The following KIDINS220 variants were observed in gnomAD, a reference collection of about 807,000 sequenced individuals.
The protein encoded by KIDINS220 is kinase D-interacting substrate of 220 kDa.
Under a neutral mutation model 157.6 loss-of-function variants are expected in KIDINS220, and 63 were observed. The ratio of observed to expected loss-of-function variants is 0.40; its 90% CI spans 0.33 to 0.49. The LOEUF is 0.49. KIDINS220 is among the 20% of genes least tolerant of loss of function. KIDINS220 has a pLI of 0.66. For synonymous variants in KIDINS220, 732 were observed against 783.6 expected (o/e 0.93, Z 1.10); for missense variants, 1,772 against 2,171.2 (o/e 0.82, Z 3.65).
chr2:8,830,175 T>C (rs1235308744), intron 1 of KIDINS220, among the ~76,000 whole-genome samples: 2 of 152,180 alleles, frequency 1.3e-5, no homozygotes, highest in Non-Finnish European at 2.9e-5. Context: ...TCACCATCTA[T>C]ACTAATCAAG....
At position 8,731,004 on chromosome 2, in the gene KIDINS220, G is replaced by C; in HGVS notation, c.5032C>G (p.Arg1678Gly). The change falls in exon 30 of 30, where the codon CGA becomes GGA. Residue 1678 changes from arginine (R) to glycine (G), a missense_variant. Transcript: ENST00000256707. This position sits in a 1 kb window ranked among gnomAD's most constrained non-coding sequence, Gnocchi z 5.2. ...TTCAGAGTCACGGTGCTGGGAGTTC[G>C]GTTCAGGTTGTAGGCTTTCTGGCAT... ...PACQKAYNLN[R>G]TPSTVTLNNN... The C allele has an allele frequency of 6.2e-7, 1 of 1,614,144 alleles. No homozygotes were observed. The highest frequency in any genetic ancestry group is 8.5e-7 in the Non-Finnish European group (1 of 1,180,034).
At chr2:8,744,391 ATATATATATAAT>A (rs1666214270) in intron 26 of KIDINS220, among the ~76,000 whole-genome samples, 1 of 27,296 alleles carries the variant, frequency 3.7e-5, no homozygotes, top group African/African-American at 1.8e-4. Context: ...AAAAAAAAAT[ATATATATATAAT>A]ATATATATAT....
downstream of KIDINS220, among the ~76,000 whole-genome samples, chr2:8,728,083 C>G (rs1663522931): frequency 6.6e-6 from 1 of 152,192 alleles, no homozygotes; most frequent in Admixed American, 6.5e-5. Flanking sequence ...TGGCTCATGC[C>G]TATAATCCCA....
intron 22 of KIDINS220, among the ~76,000 whole-genome samples, chr2:8,755,093 T>C (rs1667846882): frequency 6.6e-6 from 1 of 152,230 alleles, no homozygotes; most frequent in Non-Finnish European, 1.5e-5. Context: ...CCACTTGGCA[T>C]TGCAGCCAAA....
chr2:8,739,004 G>T (rs1665263249), intron 26 of KIDINS220, among the ~76,000 whole-genome samples: 1 of 152,134 alleles, frequency 6.6e-6, no homozygotes, highest in Non-Finnish European at 1.5e-5. Flanking sequence ...AAAACGACAA[G>T]TATAATAGAC....
chr2:8,814,423 TGAA>T (rs1676759919), intron 4 of KIDINS220, among the ~76,000 whole-genome samples: 1 of 152,088 alleles, frequency 6.6e-6, no homozygotes, highest in Admixed American at 6.6e-5. Flanking sequence ...AAGTCCATAC[TGAA>T]ATAGAAAGAT....
intron 2 of KIDINS220, among the ~76,000 whole-genome samples, chr2:8,823,019 A>T (rs1364879824): frequency 6.6e-6 from 1 of 152,180 alleles, no homozygotes; most frequent in Non-Finnish European, 1.5e-5. Flanking sequence ...TCTGTTGCCC[A>T]GGCTGAAGTG....
At chr2:8,796,941 T>A (rs1674033413) in intron 10 of KIDINS220, 72 bp from the exon 11 acceptor site, 1 of 1,063,968 alleles carries the variant, frequency 9.4e-7, no homozygotes, top group South Asian at 1.3e-5. Context: ...CAAATGCACA[T>A]GTCAAGAAAT....
chr2:8,736,546 G>T (rs1370260428), intron 27 of KIDINS220, among the ~76,000 whole-genome samples: 1 of 152,122 alleles, frequency 6.6e-6, no homozygotes, highest in Non-Finnish European at 1.5e-5. Flanking sequence ...TTCCACACTG[G>T]AAAGATGAGT....
chr2:8,811,295 G>GAAAA (rs34199182), intron 6 of KIDINS220, among the ~76,000 whole-genome samples: 1 of 139,586 alleles, frequency 7.2e-6, no homozygotes, highest in South Asian at 2.2e-4. Flanking sequence ...TACAAAATGG[G>GAAAA]AAAAAAAAAA....
chr2:8,834,466 C>T (rs1680108131), intron 1 of KIDINS220, among the ~76,000 whole-genome samples: 1 of 151,730 alleles, frequency 6.6e-6, no homozygotes, highest in Admixed American at 6.6e-5. Flanking sequence ...TATAAAACAG[C>T]CCTCTCCCCC....
At chr2:8,793,672 C>G (rs551544426) in intron 12 of KIDINS220, 138 bp downstream of exon 12, 175 of 694,538 alleles carry the variant, frequency 2.5e-4, no homozygotes, top group South Asian at 2.3e-3. Flanking sequence ...CTCCTGGGGT[C>G]AAGCAATCCT....
At chr2:8,762,210 CT>C (rs1321058710) in intron 22 of KIDINS220, among the ~76,000 whole-genome samples, 1 of 152,106 alleles carries the variant, frequency 6.6e-6, no homozygotes, top group Non-Finnish European at 1.5e-5. Flanking sequence ...CACTGTAGAA[CT>C]TTGGAATGTT....
downstream of KIDINS220, chr2:8,727,167 G>C: frequency 8.6e-7 from 1 of 1,159,510 alleles, no homozygotes; most frequent in Non-Finnish European, 1.1e-6. Context: ...AACTCAAAAC[G>C]CGATAGTCTC....
Position 8,778,694 on chromosome 2 carries a change from T to G in KIDINS220, c.2648A>C (p.Gln883Pro), listed in dbSNP as rs1376637260. 1 of 1,614,130 alleles carries G rather than the reference T, an allele frequency of 6.2e-7. No individual in the cohort carries two copies. The highest frequency in any genetic ancestry group is 2.2e-5 in the East Asian group (1 of 44,884). ...IQEDADRRVS[Q>P]NSLGEMTKLG... is the part of the protein sequence containing the mutation. ...TTTTGTCATCTCCCCAAGGCTGTTC[T>G]GTGAAACTCTTCTGTCAGCATCTTC... The change falls in exon 20 of 30, where the codon CAG becomes CCG. Residue 883 changes from glutamine to proline, a missense_variant. Coordinates refer to ENST00000256707, the MANE Select transcript of KIDINS220 (RefSeq NM_020738.4).
intron 11 of KIDINS220, 92 bp downstream of exon 11, chr2:8,796,679 C>T (rs1173145548): frequency 2.1e-6 from 2 of 966,700 alleles, no homozygotes; most frequent in South Asian, 1.3e-5. Flanking sequence ...CCCCACACAA[C>T]CTAAAATCAG....
chr2:8,744,586 CG>C (rs1666288138), intron 26 of KIDINS220, among the ~76,000 whole-genome samples: 1 of 151,002 alleles, frequency 6.6e-6, no homozygotes. Context: ...TGTATAGAGA[CG>C]GCTGACTGAG....
chr2:8,782,981 T>C (rs1671901632), intron 17 of KIDINS220, among the ~76,000 whole-genome samples: 1 of 152,086 alleles, frequency 6.6e-6, no homozygotes, highest in African/African-American at 2.4e-5. Context: ...GTGGATCACC[T>C]GAGGTCAGGA....
downstream of KIDINS220, chr2:8,722,636 T>C (rs1663026861): frequency 6.6e-6 from 1 of 152,170 alleles, no homozygotes; most frequent in Non-Finnish European, 1.5e-5. Flanking sequence ...AAGCAAATCT[T>C]GAAAATTGAG....
Sources: allele counts gnomAD v4.1 joint callset (sites outside exome capture counted in the v4.1 genomes callset), GRCh38; gene constraint gnomAD v4.1.1; non-coding constraint Gnocchi (gnomAD v3.1); transcripts MANE v1.5; gene names NCBI Gene and HGNC (gene_info 2026-07-23, HGNC 2026-07-21).